CTDP1: variants seen among roughly 807,000 people sequenced by gnomAD.
The protein encoded by CTDP1 is RNA polymerase II subunit A C-terminal domain phosphatase.
CTDP1 carries 47 observed loss-of-function variants against 91.8 expected under a neutral mutation model. The observed-to-expected ratio is 0.51, with a 90% CI of 0.41 to 0.65. CTDP1 has a LOEUF of 0.65. CTDP1 is among the 30% of genes least tolerant of loss of function. The pLI, the probability that CTDP1 is intolerant of heterozygous loss-of-function variation, is 0.00. For synonymous variants in CTDP1, 656 were observed against 598.5 expected, an observed-to-expected ratio of 1.10 and a Z score of -1.40; for missense variants, 1,272 against 1,373.7, an observed-to-expected ratio of 0.93 and a Z score of 1.17.
At chr18:79,733,871 C>A (rs2086615934) in intron 11 of CTDP1, among the ~76,000 whole-genome samples, 1 of 152,172 alleles carries the variant, frequency 6.6e-6, no homozygotes, top group Admixed American at 6.5e-5. Context: ...CTGCTGTTAT[C>A]TGTATTTGCT....
intron 12 of CTDP1, among the ~76,000 whole-genome samples, chr18:79,742,662 C>T (rs368939837): frequency 4.6e-5 from 7 of 152,350 alleles, no homozygotes; most frequent in South Asian, 4.1e-4. Context: ...TAGTATAAGA[C>T]TCTATGCCTG....
Position 79,704,936 on chromosome 18 carries a change from G to T in CTDP1, c.772+19G>T. 2 of 1,612,578 alleles carry T rather than the reference G, an allele frequency of 1.2e-6. No individual in the cohort carries two copies. Among genetic ancestry groups the T allele is most frequent in the Non-Finnish European group, 1.7e-6 (2 of 1,180,030 alleles). On this transcript the variant is annotated intron_variant, in intron 5 of 12. Coordinates refer to ENST00000613122, the MANE Select transcript of CTDP1 (RefSeq NM_004715.5). ...ATCGCAGGTCAGTCAAGCCGCAGCCGAAGAGGCCGTGTGAACAGTGGGTTT... is the reference window on the plus strand; with the variant it reads ...ATCGCAGGTCAGTCAAGCCGCAGCCTAAGAGGCCGTGTGAACAGTGGGTTT...
At chr18:79,740,326 G>T (rs1436795621) in intron 12 of CTDP1, among the ~76,000 whole-genome samples, 1 of 152,252 alleles carries the variant, frequency 6.6e-6, no homozygotes, top group Non-Finnish European at 1.5e-5. Flanking sequence ...GGGTGGGGCG[G>T]TGGGGTCTTT....
At chr18:79,728,061 T>A (rs1269607039) in intron 10 of CTDP1, among the ~76,000 whole-genome samples, 1 of 152,186 alleles carries the variant, frequency 6.6e-6, no homozygotes, top group African/African-American at 2.4e-5. Context: ...TACATTAATA[T>A]TTAACTATAC....
intron 1 of CTDP1, among the ~76,000 whole-genome samples, chr18:79,685,004 AGG>A (rs71974203): frequency 0.09 from 3,326 of 36,910 alleles, 132 homozygotes; most frequent in South Asian, 0.17. Context: ...CCTGGTGAGG[AGG>A]ACGGTGCAGG....
upstream of CTDP1, among the ~76,000 whole-genome samples, chr18:79,676,990 T>C (rs528535716): frequency 9.1e-4 from 139 of 152,382 alleles, no homozygotes; most frequent in African/African-American, 3.1e-3. Flanking sequence ...TAGGGATGTC[T>C]ACATCTGTCT....
chr18:79,717,061 A>C (rs2086225337), intron 8 of CTDP1, among the ~76,000 whole-genome samples: 1 of 133,188 alleles, frequency 7.5e-6, no homozygotes, highest in Non-Finnish European at 1.6e-5. Flanking sequence ...CCTGGTGGGT[A>C]CAGCCGGGTG....
intron 12 of CTDP1, among the ~76,000 whole-genome samples, chr18:79,748,128 G>A (rs565440295): frequency 6.6e-6 from 1 of 152,346 alleles, no homozygotes; most frequent in African/African-American, 2.4e-5. Context: ...AATATTGCAT[G>A]TTATGCTGAG....
chr18:79,721,923 A>C (rs988005157), intron 10 of CTDP1, among the ~76,000 whole-genome samples: 1 of 151,582 alleles, frequency 6.6e-6, no homozygotes, highest in Admixed American at 6.6e-5. Flanking sequence ...TCCCAGGTTC[A>C]AGCAATTCTC....
intron 10 of CTDP1, among the ~76,000 whole-genome samples, chr18:79,726,250 G>C (rs1371850171): frequency 6.6e-6 from 1 of 152,132 alleles, no homozygotes; most frequent in Non-Finnish European, 1.5e-5. Context: ...GCCTTCCTCT[G>C]TCTCCTTCAT....
chr18:79,710,807 A>C (rs536032446), intron 6 of CTDP1, among the ~76,000 whole-genome samples: 1 of 147,648 alleles, frequency 6.8e-6, no homozygotes, highest in East Asian at 2.0e-4. Context: ...CAGCCTCCCA[A>C]AGTGTTGGGA....
rs2085318637 is a variant in CTDP1, at chr18:79,679,896, TCTGA to T, written c.-51_-48del. On this transcript the variant is annotated 5_prime_UTR_variant, in exon 1 of 13. Coordinates refer to ENST00000613122, the MANE Select transcript of CTDP1 (RefSeq NM_004715.5). ...TGTGTCGCCGCGGTAGGCGCTGCGC[TCTGA>T]GCGCAGCGCAGGCCCCGTACCGACC... 1 of 1,318,456 alleles carries T rather than the reference TCTGA, an allele frequency of 7.6e-7. No individual in the cohort carries two copies. Among genetic ancestry groups the T allele is most frequent in the African/African-American group, 1.6e-5 (1 of 62,490 alleles). 81.7% of individuals were successfully genotyped at this position (1,318,456 alleles called of 1,614,324 possible).
intron 12 of CTDP1, among the ~76,000 whole-genome samples, chr18:79,741,431 A>C (rs1458972066): frequency 1.3e-5 from 2 of 152,254 alleles, no homozygotes. Context: ...CTGCCAAGAA[A>C]CATAGCACAG....
chr18:79,713,211 C>T lies in CTDP1; in HGVS notation c.1030+73C>T. On this transcript the variant is annotated intron_variant, in intron 7 of 12. Transcript: ENST00000613122. This position sits in a 1 kb window ranked among gnomAD's most constrained non-coding sequence, Gnocchi z 4.7. ...TTGTTTAGCTCTTCTTATTTCTTAT[C>T]TCTGTTTTGACTGCTATAAATTCAA... 2.8e-6 allele frequency: 4 copies of T among 1,449,150 alleles called. No individual in the cohort carries two copies. In the South Asian group the frequency reaches 3.6e-5, roughly 13 times the overall value. The allele number at this position is 1,449,150 out of a possible 1,614,324, so 89.8% of individuals were successfully genotyped here.
At chr18:79,735,174 G>C (rs2086641067) in intron 11 of CTDP1, among the ~76,000 whole-genome samples, 1 of 152,120 alleles carries the variant, frequency 6.6e-6, no homozygotes, top group Non-Finnish European at 1.5e-5. Context: ...AACCGCGCCT[G>C]TCTCGGGAGT....
intron 1 of CTDP1, among the ~76,000 whole-genome samples, chr18:79,694,448 TACA>T: frequency 2.6e-5 from 3 of 115,296 alleles, no homozygotes; most frequent in African/African-American, 9.4e-5. Flanking sequence ...GTGTGGGGGC[TACA>T]GGCACCTAGG....
At chr18:79,719,526 G>A (rs570796515) in intron 10 of CTDP1, among the ~76,000 whole-genome samples, 68 of 150,820 alleles carry the variant, frequency 4.5e-4, no homozygotes, top group Non-Finnish European at 8.6e-4. Flanking sequence ...GTCACCTCCC[G>A]TTGTTAGGAA....
At chr18:79,684,069 A>G (rs1037847330) in intron 1 of CTDP1, among the ~76,000 whole-genome samples, 5 of 152,264 alleles carry the variant, frequency 3.3e-5, no homozygotes, top group African/African-American at 1.2e-4. Flanking sequence ...CAGCGGCAGC[A>G]GCCTGAGTGT....
intron 1 of CTDP1, among the ~76,000 whole-genome samples, chr18:79,692,567 G>T (rs1472412043): frequency 6.6e-6 from 1 of 152,214 alleles, no homozygotes; most frequent in Non-Finnish European, 1.5e-5. Context: ...GGAGAGATTG[G>T]CAAAATCCTC....
Sources: allele counts gnomAD v4.1 joint callset (sites outside exome capture counted in the v4.1 genomes callset), GRCh38; gene constraint gnomAD v4.1.1; non-coding constraint Gnocchi (gnomAD v3.1); transcripts MANE v1.5; gene names NCBI Gene and HGNC (gene_info 2026-07-23, HGNC 2026-07-21).